The following IL1RAPL2 variants were observed in gnomAD, a reference collection of about 807,000 sequenced individuals.
The protein encoded by IL1RAPL2 is X-linked interleukin-1 receptor accessory protein-like 2.
In IL1RAPL2, 3 loss-of-function variants were observed where a neutral mutation model predicts 44.1. The ratio of observed to expected loss-of-function variants is 0.07; its 90% CI spans 0.03 to 0.18. The LOEUF (loss-of-function observed/expected upper bound fraction) is 0.18, where lower values mean the gene tolerates loss of function less well. Ranked by LOEUF, IL1RAPL2 falls within the 10% of genes least tolerant of loss-of-function variation. The pLI is 1.00. For missense variants in IL1RAPL2, 391 were observed against 496.4 expected (o/e 0.79, Z 2.02); for synonymous variants, 181 against 178.8 (o/e 1.01, Z -0.10).
intron 2 of IL1RAPL2, among the ~76,000 whole-genome samples, chrX:105,006,910 A>C (rs1444730056): frequency 1.8e-5 from 2 of 111,346 alleles, no homozygotes; most frequent in Admixed American, 9.6e-5. Flanking sequence ...TTAAATTTCA[A>C]TCTACCAGTG....
At chrX:104,761,994 CTCT>C (rs1407410664) in intron 2 of IL1RAPL2, among the ~76,000 whole-genome samples, 19 of 79,342 alleles carry the variant, frequency 2.4e-4, no homozygotes, top group African/African-American at 6.0e-4. Context: ...CCTCCTCCTC[CTCT>C]TCTTCTTCTT....
At chrX:105,423,131 A>T (rs1020952822) in intron 5 of IL1RAPL2, among the ~76,000 whole-genome samples, 1 of 111,604 alleles carries the variant, frequency 9.0e-6, no homozygotes, top group Admixed American at 9.6e-5. Flanking sequence ...CATAGCAATA[A>T]CATATGTATA....
intron 2 of IL1RAPL2, among the ~76,000 whole-genome samples, chrX:105,016,578 T>C (rs1457226834): frequency 9.0e-6 from 1 of 111,626 alleles, no homozygotes; most frequent in Non-Finnish European, 1.9e-5. Context: ...TAATCATATA[T>C]TTTTTGTCTT....
intron 2 of IL1RAPL2, among the ~76,000 whole-genome samples, chrX:104,865,387 CTTA>C (rs1327930329): frequency 2.7e-5 from 3 of 111,416 alleles, no homozygotes; most frequent in Non-Finnish European, 5.7e-5. Flanking sequence ...TAATTATGAC[CTTA>C]TTGTTGTTAT....
chrX:105,026,130 G>A (rs1198736445), intron 2 of IL1RAPL2, among the ~76,000 whole-genome samples: 2 of 110,871 alleles, frequency 1.8e-5, no homozygotes, highest in African/African-American at 6.5e-5. Flanking sequence ...ACTGAAGCCC[G>A]ATAGTCAATG....
At chrX:104,745,442 A>T (rs1047531489) in intron 2 of IL1RAPL2, among the ~76,000 whole-genome samples, 1 of 112,238 alleles carries the variant, frequency 8.9e-6, no homozygotes, top group African/African-American at 3.2e-5. Context: ...ATTTGATTAG[A>T]TAAAAATAAA....
chrX:105,567,931 T>A (rs182139412), intron 6 of IL1RAPL2, among the ~76,000 whole-genome samples: 47 of 110,717 alleles, frequency 4.2e-4, no homozygotes, highest in African/African-American at 1.5e-3. Flanking sequence ...GCCCAGAGAG[T>A]TGCCTTCATG....
intron 2 of IL1RAPL2, among the ~76,000 whole-genome samples, chrX:105,187,198 T>A (rs1556134364): frequency 8.9e-6 from 1 of 112,088 alleles, no homozygotes; most frequent in Admixed American, 9.5e-5. Context: ...AGAAAAAAAA[T>A]TACCATAAAC....
intron 3 of IL1RAPL2, among the ~76,000 whole-genome samples, chrX:105,212,268 G>A (rs2033813861): frequency 8.9e-6 from 1 of 112,144 alleles, no homozygotes; most frequent in African/African-American, 3.2e-5. Flanking sequence ...GGATGGTCAA[G>A]CTTTGTTGGC....
At chrX:104,895,079 C>T (rs1285865764) in intron 2 of IL1RAPL2, among the ~76,000 whole-genome samples, 6 of 112,486 alleles carry the variant, frequency 5.3e-5, no homozygotes, top group Admixed American at 9.4e-5. Context: ...TGGGTATCAG[C>T]AGCGGAGGCT....
chrX:104,802,504 T>G (rs1932892257), intron 2 of IL1RAPL2, among the ~76,000 whole-genome samples: 2 of 111,460 alleles, frequency 1.8e-5, no homozygotes, highest in African/African-American at 6.5e-5. Context: ...TAATAAATTT[T>G]ATATGACTAT....
intron 2 of IL1RAPL2, among the ~76,000 whole-genome samples, chrX:105,075,985 A>G (rs943933469): frequency 5.4e-5 from 6 of 111,420 alleles, no homozygotes; most frequent in Non-Finnish European, 1.1e-4. Flanking sequence ...GATCTTTTCA[A>G]AAAACCAGCT....
chrX:105,702,829 T>C (rs2038131005), intron 6 of IL1RAPL2, among the ~76,000 whole-genome samples: 1 of 111,963 alleles, frequency 8.9e-6, no homozygotes, highest in African/African-American at 3.2e-5. Flanking sequence ...TTCATATTTC[T>C]ATGAGCCTTG....
intron 2 of IL1RAPL2, among the ~76,000 whole-genome samples, chrX:105,137,949 T>G (rs768062641): frequency 1.8e-5 from 2 of 111,785 alleles, no homozygotes; most frequent in South Asian, 7.6e-4. Flanking sequence ...GGCATGTGCC[T>G]ATAGTCCCAG....
At chrX:105,505,787 G>T (rs2036427106) in intron 6 of IL1RAPL2, among the ~76,000 whole-genome samples, 1 of 111,401 alleles carries the variant, frequency 9.0e-6, no homozygotes, top group South Asian at 3.8e-4. Context: ...TGAAATAATT[G>T]TAGACTTACA....
At chrX:105,297,171 A>C (rs1341069647) in intron 5 of IL1RAPL2, among the ~76,000 whole-genome samples, 1 of 112,062 alleles carries the variant, frequency 8.9e-6, no homozygotes, top group Non-Finnish European at 1.9e-5. Context: ...GGGAGCTGCT[A>C]TGCAAAAGCC....
intron 3 of IL1RAPL2, among the ~76,000 whole-genome samples, chrX:105,202,005 A>G (rs782409087): frequency 8.9e-6 from 1 of 111,903 alleles, no homozygotes; most frequent in Non-Finnish European, 1.9e-5. Context: ...TTTTATGGCA[A>G]TTTGATAATC....
At chrX:105,469,270 A>G (rs1006788364) in intron 5 of IL1RAPL2, among the ~76,000 whole-genome samples, 11 of 111,052 alleles carry the variant, frequency 9.9e-5, no homozygotes, top group African/African-American at 2.3e-4. Context: ...ACAGTGGGCA[A>G]TTGAGGAAAC....
Position 105,043,151 on chromosome X carries a change from C to T in IL1RAPL2, c.83-152324C>T, listed in dbSNP as rs190786849. On this transcript the variant is annotated intron_variant, in intron 2 of 10. Coordinates refer to ENST00000372582, the MANE Select transcript of IL1RAPL2 (RefSeq NM_017416.2). ...CTAGATGACGAGTTAGTGGGTTCAG[C>T]GCACCAACATGTCACATGTATACAT... is the stretch of plus-strand genomic sequence containing the variant. Among the ~76,000 whole-genome samples the T allele has an allele frequency of 3.4e-3, 368 of 107,869 alleles. 2 individuals are homozygous for T. In the South Asian group the frequency reaches 0.041, roughly 12 times the overall value. The allele number at this position is 107,869 out of a possible 115,157, so 93.7% of individuals were successfully genotyped here. A position where few individuals can be genotyped will look rare whatever the true frequency, so the allele number is the denominator to read the frequency against.
Sources: allele counts gnomAD v4.1 joint callset (sites outside exome capture counted in the v4.1 genomes callset), GRCh38; gene constraint gnomAD v4.1.1; transcripts MANE v1.5; gene names NCBI Gene and HGNC (gene_info 2026-07-23, HGNC 2026-07-21).